CUX1: variants seen among roughly 807,000 people sequenced by gnomAD.
CUX1 encodes the protein cut like homeobox 1, also known as protein CASP.
Under a neutral mutation model 158.8 loss-of-function variants are expected in CUX1, and 31 were observed. The observed-to-expected ratio is 0.20, with a 90% CI of 0.15 to 0.26. The LOEUF (loss-of-function observed/expected upper bound fraction) is 0.26, where lower values mean the gene tolerates loss of function less well. Among genes scored for constraint, CUX1 ranks in the 10% least tolerant of loss-of-function variants. The pLI is 1.00. For missense variants in CUX1, 1,589 were observed against 2,014.6 expected (o/e 0.79, Z 4.04); for synonymous variants, 879 against 862.1 (o/e 1.02, Z -0.34).
intron 1 of CUX1, among the ~76,000 whole-genome samples, chr7:101,879,317 A>G (rs970098267): frequency 2.0e-5 from 3 of 151,916 alleles, no homozygotes; most frequent in Admixed American, 1.3e-4. Context: ...TTAACATGAA[A>G]GTCTTTCTGT....
chr7:101,816,241 G>T (rs1398659080), upstream of CUX1: 8 of 156,950 alleles, frequency 5.1e-5, no homozygotes, highest in East Asian at 1.4e-3. Context: ...GGGCCGAGTC[G>T]GGGCCGAGTC....
chr7:102,264,592 G>A (rs1416928528), intron 14 of CUX1: 1 of 152,464 alleles, frequency 6.6e-6, no homozygotes, highest in Non-Finnish European at 1.5e-5. Context: ...TGAACAGAGG[G>A]TCCTGGCTCT....
intron 1 of CUX1, among the ~76,000 whole-genome samples, chr7:101,852,595 G>A (rs1796381669): frequency 6.6e-6 from 1 of 151,854 alleles, no homozygotes; most frequent in Non-Finnish European, 1.5e-5. Context: ...TCCAGCCTGG[G>A]CGACAGAGCA....
intron 3 of CUX1, among the ~76,000 whole-genome samples, chr7:102,030,305 C>G (rs1052841414): frequency 6.6e-6 from 1 of 152,182 alleles, no homozygotes; most frequent in African/African-American, 2.4e-5. Context: ...AGCCACTGCG[C>G]CCGGCCCACC....
Position 102,227,616 on chromosome 7 carries a change from A to G in CUX1, c.3380A>G (p.Asp1127Gly), listed in dbSNP as rs1798479134. 6.2e-7 allele frequency: 1 copy of G among 1,613,802 alleles called. No homozygotes were observed. Residue 1127 changes from aspartate to glycine, a missense_variant, in exon 21 of 24, where the codon GAC (aspartate) becomes GGC (glycine). Physicochemically the swap from Asp to Gly is moderately conservative, Grantham distance 94 (BLOSUM62 -1). This residue lies in a region of CUX1 where 259 missense variants were observed against 373.8 expected (regional missense o/e 0.69). Transcript: ENST00000292535. The stretch of plus-strand genomic sequence containing the variant: ...TTAGTAGCCATGTCCCCGGAGCTGG[A>G]CACCTACGGCATAACCAAGCGGGTG... ...QELVAMSPEL[D>G]TYGITKRVKE...
intron 2 of CUX1, among the ~76,000 whole-genome samples, chr7:102,009,001 G>C (rs1180642004): frequency 6.6e-6 from 1 of 152,118 alleles, no homozygotes; most frequent in Non-Finnish European, 1.5e-5. Context: ...GGGAACCCTC[G>C]GCCCCGCGTG....
chr7:102,123,765 C>T (rs374902165), intron 8 of CUX1, among the ~76,000 whole-genome samples: 6 of 151,970 alleles, frequency 3.9e-5, no homozygotes, highest in African/African-American at 7.2e-5. Flanking sequence ...CGGTTTCAAA[C>T]GATTTTCCCA....
intron 2 of CUX1, among the ~76,000 whole-genome samples, chr7:101,994,726 A>G (rs1240486066): frequency 6.6e-6 from 1 of 152,034 alleles, no homozygotes; most frequent in Non-Finnish European, 1.5e-5. Context: ...TCCTCCCAAG[A>G]ATGTTCCAGA....
chr7:102,034,073 C>A (rs1269985968), intron 3 of CUX1, among the ~76,000 whole-genome samples: 1 of 123,434 alleles, frequency 8.1e-6, no homozygotes, highest in Non-Finnish European at 1.6e-5. Context: ...TTAAACCCAG[C>A]AGGCGGAGGT....
intron 1 of CUX1, among the ~76,000 whole-genome samples, chr7:101,842,970 A>G (rs1795327190): frequency 1.4e-5 from 2 of 143,272 alleles, no homozygotes; most frequent in South Asian, 4.4e-4. Flanking sequence ...GGTTCACACC[A>G]TTCTCCTGCC....
At chr7:102,198,371 T>A (rs1177052863) in intron 15 of CUX1, among the ~76,000 whole-genome samples, 1 of 152,228 alleles carries the variant, frequency 6.6e-6, no homozygotes, top group African/African-American at 2.4e-5. Flanking sequence ...TGAAACACCC[T>A]GAAATTTAGA....
At chr7:102,010,259 G>A (rs533288550) in intron 2 of CUX1, among the ~76,000 whole-genome samples, 21 of 152,062 alleles carry the variant, frequency 1.4e-4, no homozygotes, top group Non-Finnish European at 2.6e-4. Flanking sequence ...GCCAGGCATG[G>A]TGGTGAGTGC....
rs1554518498 is a variant in CUX1 at position 102,196,854 on chromosome 7, C to T, written c.1443C>T (p.Asn481=). The T allele has an allele frequency of 6.2e-7, 1 of 1,614,208 alleles. No individual in the cohort carries two copies. The highest frequency in any genetic ancestry group is 8.5e-7 in the Non-Finnish European group (1 of 1,180,036). The change falls in exon 15 of 24, where the codon AAC becomes AAT. Residue 481 remains asparagine (N), a synonymous_variant. Coordinates refer to ENST00000292535, the MANE Select transcript of CUX1 (RefSeq NM_181552.4). ...PLASTGKFAL[N]SLLQRQLMQS... is the part of the protein sequence containing the mutation. The stretch of plus-strand genomic sequence containing the variant: ...CTTCTACAGGAAAATTTGCACTAAA[C>T]TCTCTTCTCCAGCGGCAGCTAATGC...
Position 102,255,585 on chromosome 7 carries a change from A to C in CUX1, c.*6543A>C. The C allele has an allele frequency of 2.0e-6, 2 of 985,352 alleles. No individual in the cohort carries two copies. Among genetic ancestry groups the C allele is most frequent in the Non-Finnish European group, 1.2e-6 (1 of 829,902 alleles). The allele number at this position is 985,352 out of a possible 1,614,324, so 61.0% of individuals were successfully genotyped here. A position where few individuals can be genotyped will look rare whatever the true frequency, so the allele number is the denominator to read the frequency against. ...GTAATTTCTGTAGTGTTTACGCTTT[A>C]ATTTCTACCACAAAATATGCTATAT... is the stretch of plus-strand genomic sequence containing the variant. On this transcript the variant is annotated 3_prime_UTR_variant, in exon 24 of 24. Coordinates refer to ENST00000292535, the MANE Select transcript of CUX1 (RefSeq NM_181552.4).
chr7:102,282,843 C>A, intron 22 of CUX1: 1 of 1,256,110 alleles, frequency 8.0e-7, no homozygotes, highest in East Asian at 2.7e-5. Flanking sequence ...GCAACACCCC[C>A]GAGTTCCTGC....
rs1003944537 is a variant in CUX1 at position 101,883,588 on chromosome 7, T to A, written c.31-32527T>A. Among the ~76,000 whole-genome samples, 1,183 of 125,298 alleles carry A rather than the reference T, an allele frequency of 9.4e-3. 16 individuals are homozygous for A. The highest frequency in any genetic ancestry group is 0.03 in the African/African-American group (1,134 of 38,044). The allele number at this position is 125,298 out of a possible 152,430, so 82.2% of individuals were successfully genotyped here. On this transcript the variant is annotated intron_variant, in intron 1 of 23. Transcript: ENST00000292535. ...GTTATTTTTTTTTCTTTTTCTTTAATTTTTTTTTGAAATTTTAAATTATTA... is the reference window on the plus strand; with the variant it reads ...GTTATTTTTTTTTCTTTTTCTTTAAATTTTTTTTGAAATTTTAAATTATTA...
rs782411361 is a variant in CUX1, at chr7:102,097,515, G to A, written c.406+14G>A. 6.4e-7 allele frequency: 1 copy of A among 1,572,988 alleles called. No homozygotes were observed. The highest frequency in any genetic ancestry group is 8.6e-7 in the Non-Finnish European group (1 of 1,167,794). On this transcript the variant is annotated intron_variant, in intron 5 of 23. Coordinates refer to ENST00000292535, the MANE Select transcript of CUX1 (RefSeq NM_181552.4). ...TGAAAAATCAAGGTTGGTGGAAAATGCGTTCTTTGCTTTTTCTTTTCTTCT... is the reference window on the plus strand; with the variant it reads ...TGAAAAATCAAGGTTGGTGGAAAATACGTTCTTTGCTTTTTCTTTTCTTCT...
rs1554546832 is a variant in CUX1 at position 102,273,479 on chromosome 7, CG to C, written c.1371del (p.Asp459MetfsTer137). ...CCTGAGCATCATTCAGTCCATCCAGCGGCCCGATGCCGAGGTGAGCCCACCC... is the reference window on the plus strand; with the variant it reads ...CCTGAGCATCATTCAGTCCATCCAGCGCCCGATGCCGAGGTGAGCCCACCC... On this transcript the variant is annotated frameshift_variant, in exon 15 of 23. Transcript: ENST00000292538. LOFTEE classifies it high-confidence loss of function. 1.2e-6 allele frequency: 2 copies of C among 1,611,150 alleles called. No individual in the cohort carries two copies. The highest frequency in any genetic ancestry group is 1.7e-6 in the Non-Finnish European group (2 of 1,178,192).
chr7:101,821,850 T>C (rs1275682962), intron 1 of CUX1, among the ~76,000 whole-genome samples: 3 of 117,930 alleles, frequency 2.5e-5, no homozygotes, highest in Non-Finnish European at 5.4e-5. Context: ...AGTTTTTTTG[T>C]TTTTTTGTTT....
Sources: gnomAD v4.1 joint callset for allele counts (sites outside exome capture counted in the v4.1 genomes callset) on GRCh38, gnomAD v4.1.1 for gene constraint, gnomAD v4.1.1 regional missense constraint, MANE v1.5 for transcripts, NCBI Gene and HGNC (gene_info 2026-07-23, HGNC 2026-07-21) for gene names.